Variants in MAST3 observed in about 807,000 individuals in gnomAD.
MAST3 encodes microtubule-associated serine/threonine-protein kinase 3.
MAST3 carries 43 observed loss-of-function variants against 127.0 expected under a neutral mutation model. That is an observed-to-expected ratio of 0.34 (90% CI 0.27 to 0.44). The LOEUF (loss-of-function observed/expected upper bound fraction) is 0.44, where lower values mean the gene tolerates loss of function less well. Among genes scored for constraint, MAST3 ranks in the 20% least tolerant of loss-of-function variants. The pLI, the probability that MAST3 is intolerant of heterozygous loss-of-function variation, is 1.00. For synonymous variants in MAST3, 785 were observed against 809.2 expected (o/e 0.97, Z 0.51); for missense variants, 1,390 against 1,919.1 (o/e 0.72, Z 5.15).
At chr19:18,120,026 C>T (rs749894207) in intron 3 of MAST3, among the ~76,000 whole-genome samples, 2 of 152,214 alleles carry the variant, frequency 1.3e-5, no homozygotes, top group East Asian at 1.9e-4. Flanking sequence ...GGGACGGTGT[C>T]GCTCCCAACT....
chr19:18,132,120 G>C, intron 15 of MAST3, 73 bp downstream of exon 15: 1 of 1,580,192 alleles, frequency 6.3e-7, no homozygotes, highest in Non-Finnish European at 8.6e-7. Flanking sequence ...GGCCAAAGAG[G>C]ATCAGGGCAG....
At chr19:18,105,571 G>T (rs1195088019) in intron 1 of MAST3, among the ~76,000 whole-genome samples, 1 of 151,346 alleles carries the variant, frequency 6.6e-6, no homozygotes, top group Non-Finnish European at 1.5e-5. Context: ...TACTCTGGAG[G>T]TTGAGGCAGG....
intron 27 of MAST3, 137 bp downstream of exon 27, chr19:18,147,761 A>G: frequency 1.5e-6 from 1 of 685,774 alleles, no homozygotes; most frequent in East Asian, 2.8e-5. Flanking sequence ...GGTGTCTAGC[A>G]GGGAACCTGG....
At position 18,144,488 on chromosome 19, in the gene MAST3, C is replaced by T. The variant is rs1358355349; in HGVS notation, c.2607C>T (p.His869=). Residue 869 remains histidine (H), a synonymous_variant, in exon 23 of 28, where the codon CAC becomes CAT. Transcript: ENST00000687212. This position sits in a 1 kb window ranked among gnomAD's most constrained non-coding sequence, Gnocchi z 4.0. The stretch of plus-strand genomic sequence containing the variant: ...TAGCCGACACAGCTGCTCTCAGCCA[C>T]GCCCGCCTACGGAGCAATAGCATCG... ...SLSADTAALS[H]ARLRSNSIGA... The T allele has an allele frequency of 2.5e-6, 4 of 1,582,840 alleles. No homozygotes were observed. The highest frequency in any genetic ancestry group is 1.3e-5 in the African/African-American group (1 of 74,198).
chr19:18,140,324 AGCTG>A (rs1194001044), intron 20 of MAST3, among the ~76,000 whole-genome samples: 134 of 152,192 alleles, frequency 8.8e-4, no homozygotes, highest in African/African-American at 3.2e-3. Context: ...GGCTGCAGTA[AGCTG>A]AGATCACAGC....
Position 18,149,914 on chromosome 19 carries a change from C to A in MAST3, c.*188C>A. ...TGGTGTCAATCGGGGCTGGATGGGGCAAGAATGGGGGACAAGGGTGGCTTT... is the reference window on the plus strand; with the variant it reads ...TGGTGTCAATCGGGGCTGGATGGGGAAAGAATGGGGGACAAGGGTGGCTTT... On this transcript the variant is annotated 3_prime_UTR_variant, in exon 28 of 28. Transcript: ENST00000687212. The surrounding 1 kb of genome is among the most constrained non-coding windows in gnomAD (Gnocchi z 5.9). 4 of 678,008 alleles carry A rather than the reference C, an allele frequency of 5.9e-6. No homozygotes were observed. The highest frequency in any genetic ancestry group is 3.2e-5 in the East Asian group (1 of 31,664). The allele number at this position is 678,008 out of a possible 1,614,324, so 42.0% of individuals were successfully genotyped here.
In MAST3 at chr19:18,145,907, C is replaced by A. The variant is rs1414514630; in HGVS notation, c.3162+42C>A. ...GCCCACCCTCAGGGCTCCCCAGCAC[C>A]CCTTGGCCGCAGCTCCCGGTTCCCC... On this transcript the variant is annotated intron_variant, in intron 25 of 27. Transcript: ENST00000687212. The surrounding 1 kb of genome is among the most constrained non-coding windows in gnomAD (Gnocchi z 5.9). The A allele has an allele frequency of 2.6e-6, 4 of 1,532,594 alleles. No individual in the cohort carries two copies. The highest frequency in any genetic ancestry group is 3.5e-6 in the Non-Finnish European group (4 of 1,148,984). The allele number at this position is 1,532,594 out of a possible 1,614,324, so 94.9% of individuals were successfully genotyped here. A position where few individuals can be genotyped will look rare whatever the true frequency, so the allele number is the denominator to read the frequency against.
intron 3 of MAST3, among the ~76,000 whole-genome samples, chr19:18,119,819 C>G (rs548565703): frequency 1.3e-5 from 2 of 152,200 alleles, no homozygotes; most frequent in African/African-American, 2.4e-5. Context: ...GATGATCATA[C>G]GCTTGTTCTC....
chr19:18,118,652 G>T (rs2039593115), intron 3 of MAST3, among the ~76,000 whole-genome samples: 1 of 152,202 alleles, frequency 6.6e-6, no homozygotes, highest in South Asian at 2.1e-4. Flanking sequence ...CACGAGGCTG[G>T]CATTTGGGTG....
intron 13 of MAST3, chr19:18,129,243 C>T (rs775468997): frequency 4.7e-5 from 20 of 425,788 alleles, no homozygotes; most frequent in African/African-American, 8.1e-5. Flanking sequence ...GGGAGTAGCA[C>T]GCAGTGAGCT....
At position 18,149,213 on chromosome 19, in the gene MAST3, C is replaced by G. The variant is rs759329372; in HGVS notation, c.3531C>G (p.Ser1177Arg). The G allele has an allele frequency of 6.5e-7, 1 of 1,546,434 alleles. No individual in the cohort carries two copies. Among genetic ancestry groups the G allele is most frequent in the Non-Finnish European group, 8.7e-7 (1 of 1,149,656 alleles). Reference protein sequence around the residue: ...VPADTTASPPSASPSSSSPAS... With the variant: ...VPADTTASPPRASPSSSSPAS... ...CAGATACCACTGCATCCCCACCCAG[C>G]GCATCCCCGAGCTCCAGCAGCCCCG... is the stretch of plus-strand genomic sequence containing the variant. The change falls in exon 28 of 28, where the codon AGC becomes AGG. Residue 1177 changes from serine (S) to arginine (R), a missense_variant. This residue lies in a region of MAST3 where 816 missense variants were observed against 934.1 expected (regional missense o/e 0.87). Transcript: ENST00000687212. This position sits in a 1 kb window ranked among gnomAD's most constrained non-coding sequence, Gnocchi z 5.9.
chr19:18,108,452 C>T (rs972541505), intron 2 of MAST3, among the ~76,000 whole-genome samples: 1 of 151,864 alleles, frequency 6.6e-6, no homozygotes, highest in Admixed American at 6.6e-5. Context: ...TGGCTCACTG[C>T]AACCACTGCC....
At chr19:18,135,210 A>T (rs1300003623) in intron 17 of MAST3, among the ~76,000 whole-genome samples, 1 of 152,068 alleles carries the variant, frequency 6.6e-6, no homozygotes, top group Non-Finnish European at 1.5e-5. Context: ...AACACCTGTA[A>T]TTCCAGCACT....
chr19:18,114,589 C>T (rs2039008667), intron 3 of MAST3, among the ~76,000 whole-genome samples: 1 of 152,186 alleles, frequency 6.6e-6, no homozygotes, highest in Non-Finnish European at 1.5e-5. Flanking sequence ...CTTGTCTGTC[C>T]TGGTCATATC....
chr19:18,143,401 C>G (rs1250035153), intron 21 of MAST3, among the ~76,000 whole-genome samples: 1 of 152,152 alleles, frequency 6.6e-6, no homozygotes, highest in South Asian at 2.1e-4. Flanking sequence ...CATGGTGTAA[C>G]CCCGTCTCTA....
Position 18,149,833 on chromosome 19 carries a change from A to G in MAST3, c.*107A>G. On this transcript the variant is annotated 3_prime_UTR_variant, in exon 28 of 28. Transcript: ENST00000687212. This position sits in a 1 kb window ranked among gnomAD's most constrained non-coding sequence, Gnocchi z 5.9. ...GGACTGAGCCACCAGCCTGACACCC[A>G]GAAGGCGAGAAGCCATCTCGGTCCT... The G allele has an allele frequency of 3.4e-6, 5 of 1,478,902 alleles. No homozygotes were observed. The South Asian group carries it at 3.7e-5, about 11-fold the overall frequency. 91.6% of individuals were successfully genotyped at this position (1,478,902 alleles called of 1,614,324 possible).
chr19:18,110,500 T>G lies in MAST3; in HGVS notation c.72-152T>G, dbSNP rs2038472011. Reference sequence around the variant, plus strand: ...GGGGAGCCCTCCCGGGCCATCGGTCTGGCCCCGCCCTCACGTCCTGAGCTG... The same window carrying G: ...GGGGAGCCCTCCCGGGCCATCGGTCGGGCCCCGCCCTCACGTCCTGAGCTG... On this transcript the variant is annotated intron_variant, in intron 2 of 27. Coordinates refer to ENST00000687212, the MANE Select transcript of MAST3 (RefSeq NM_001393504.1). This position sits in a 1 kb window ranked among gnomAD's most constrained non-coding sequence, Gnocchi z 4.3. The G allele has an allele frequency of 1.1e-6, 1 of 907,254 alleles. No individual in the cohort carries two copies. The highest frequency in any genetic ancestry group is 1.8e-5 in the African/African-American group (1 of 55,776). The allele number at this position is 907,254 out of a possible 1,614,324, so 56.2% of individuals were successfully genotyped here. A position where few individuals can be genotyped will look rare whatever the true frequency, so the allele number is the denominator to read the frequency against.
At position 18,145,020 on chromosome 19, in the gene MAST3, C is replaced by A. The variant is rs752564066; in HGVS notation, c.2830C>A (p.Pro944Thr). The change falls in exon 24 of 28, where the codon CCC (proline) becomes ACC (threonine). Residue 944 changes from proline to threonine, a missense_variant. Around this residue, in one of 5 missense-constraint regions of MAST3, gnomAD observed 816 missense variants for 934.1 expected, o/e 0.87. Transcript: ENST00000687212. The surrounding 1 kb of genome is among the most constrained non-coding windows in gnomAD (Gnocchi z 5.9). ...IITADDGSGG[P>T]LMSPLSPRSL... ...CCCTGCAGATGATGGCAGCGGCGGCCCCCTCATGAGCCCCCTTTCCCCGCG... is the reference window on the plus strand; with the variant it reads ...CCCTGCAGATGATGGCAGCGGCGGCACCCTCATGAGCCCCCTTTCCCCGCG... 31 of 1,590,528 alleles carry A rather than the reference C, an allele frequency of 1.9e-5. No homozygotes were observed. The highest frequency in any genetic ancestry group is 2.6e-5 in the Non-Finnish European group (30 of 1,164,246).
chr19:18,123,867 C>T (rs2040283052), intron 8 of MAST3, 72 bp from the exon 9 acceptor site: 2 of 1,409,098 alleles, frequency 1.4e-6, no homozygotes. Flanking sequence ...AACCATGCCT[C>T]TCCTGCCCCA....
Sources: gnomAD v4.1 joint callset for allele counts (sites outside exome capture counted in the v4.1 genomes callset) on GRCh38, gnomAD v4.1.1 for gene constraint, gnomAD v4.1.1 regional missense constraint, Gnocchi (gnomAD v3.1) non-coding constraint, MANE v1.5 for transcripts, NCBI Gene and HGNC (gene_info 2026-07-23, HGNC 2026-07-21) for gene names.